TRIT1: variants seen among roughly 807,000 people sequenced by gnomAD.
The protein encoded by TRIT1 is tRNA isopentenyltransferase 1.
TRIT1 carries 43 observed loss-of-function variants against 51.2 expected under a neutral mutation model. That is an observed-to-expected ratio of 0.84 (90% CI 0.66 to 1.08). The LOEUF (loss-of-function observed/expected upper bound fraction) is 1.08. TRIT1 is among the 50% of genes least tolerant of loss of function. The pLI is 0.00. For missense variants in TRIT1, 528 were observed against 578.4 expected, an observed-to-expected ratio of 0.91 and a Z score of 0.89; for synonymous variants, 184 against 203.9, an observed-to-expected ratio of 0.90 and a Z score of 0.83.
intron 1 of TRIT1, among the ~76,000 whole-genome samples, chr1:39,882,012 T>A (rs557525940): frequency 3.9e-5 from 6 of 152,258 alleles, no homozygotes; most frequent in Non-Finnish European, 7.3e-5. Context: ...TTAGCTCTTA[T>A]TATGTGCCAT....
At chr1:39,882,150 A>G (rs1406814797) in intron 1 of TRIT1, among the ~76,000 whole-genome samples, 3 of 152,266 alleles carry the variant, frequency 2.0e-5, no homozygotes, top group East Asian at 3.8e-4. Context: ...CTATAGCTGC[A>G]TATCTTGGAA....
intron 4 of TRIT1, among the ~76,000 whole-genome samples, chr1:39,851,900 T>C (rs966343738): frequency 6.6e-6 from 1 of 151,344 alleles, no homozygotes; most frequent in Non-Finnish European, 1.5e-5. Context: ...TGAGCCATGA[T>C]TGTGCCACTG....
chr1:39,871,839 A>G (rs1275953282), intron 1 of TRIT1, among the ~76,000 whole-genome samples: 1 of 152,162 alleles, frequency 6.6e-6, no homozygotes, highest in African/African-American at 2.4e-5. Flanking sequence ...GACTCTATGC[A>G]TCTGTCAAAA....
chr1:39,851,114 T>C (rs1642538869), intron 4 of TRIT1, among the ~76,000 whole-genome samples: 1 of 152,012 alleles, frequency 6.6e-6, no homozygotes, highest in Non-Finnish European at 1.5e-5. Flanking sequence ...AACGCAAGAG[T>C]GTAGACCCCC....
intron 1 of TRIT1, chr1:39,881,665 C>T (rs1644270852): frequency 6.6e-6 from 1 of 152,118 alleles, no homozygotes. Flanking sequence ...CAACTCAATA[C>T]CTTTGGACCA....
At chr1:39,881,052 T>C (rs551339756) in intron 1 of TRIT1, among the ~76,000 whole-genome samples, 55 of 151,606 alleles carry the variant, frequency 3.6e-4, no homozygotes, top group African/African-American at 1.3e-3. Flanking sequence ...ACTCCGTCTC[T>C]ACTAAAAATA....
rs529158115 is a variant in TRIT1, at chr1:39,860,938, C to T, written c.175-3521G>A. ...ATTAAAAATACAAAAATCAGCCAGG[C>T]GTGGTGGCGCACGCCTGTAATCTCA... On this transcript the variant is annotated intron_variant, in intron 1 of 10. Transcript: ENST00000316891. 2.6e-5 allele frequency among the ~76,000 whole-genome samples: 4 copies of T among 152,132 alleles called. No individual in the cohort carries two copies. The East Asian group carries it at 5.8e-4, about 22-fold the overall frequency.
chr1:39,839,483 T>C lies in TRIT1; in HGVS notation c.*2261A>G, dbSNP rs1652487314. Among the ~76,000 whole-genome samples the C allele has an allele frequency of 1.3e-5, 2 of 152,024 alleles. No homozygotes were observed. The highest frequency in any genetic ancestry group is 6.5e-5 in the Admixed American group (1 of 15,268). On this transcript the variant is annotated 3_prime_UTR_variant, in exon 11 of 11. Transcript: ENST00000316891. ...TTACGACCACCACAAGACAAATTAC[T>C]TTCCTTCCCTACACTCAACAGCGAA...
At chr1:39,858,403 C>T (rs977713573) in intron 1 of TRIT1, among the ~76,000 whole-genome samples, 1 of 152,194 alleles carries the variant, frequency 6.6e-6, no homozygotes, top group Non-Finnish European at 1.5e-5. Flanking sequence ...AAGTCAGTTA[C>T]TAACCTCTCT....
intron 1 of TRIT1, among the ~76,000 whole-genome samples, chr1:39,881,038 C>T (rs1283887860): frequency 6.6e-6 from 1 of 151,444 alleles, no homozygotes. Context: ...GCCAACATGG[C>T]GAAACTCCGT....
intron 1 of TRIT1, among the ~76,000 whole-genome samples, chr1:39,873,180 A>T (rs941912936): frequency 6.6e-6 from 1 of 152,234 alleles, no homozygotes; most frequent in Non-Finnish European, 1.5e-5. Context: ...ATAACACAAA[A>T]AGAGAAAAAT....
At chr1:39,858,514 G>GC (rs1171005750) in intron 1 of TRIT1, among the ~76,000 whole-genome samples, 11 of 152,106 alleles carry the variant, frequency 7.2e-5, no homozygotes, top group Non-Finnish European at 1.6e-4. Context: ...CTTAGTTTTT[G>GC]CCTGGCACAT....
chr1:39,848,445 G>T (rs1460789564), intron 5 of TRIT1, among the ~76,000 whole-genome samples: 1 of 151,752 alleles, frequency 6.6e-6, no homozygotes, highest in African/African-American at 2.4e-5. Context: ...AATTTAATAT[G>T]TCATTATACT....
At chr1:39,881,718 C>T (rs999524548) in intron 1 of TRIT1, 1 of 152,198 alleles carries the variant, frequency 6.6e-6, no homozygotes, top group African/African-American at 2.4e-5. Context: ...TTCTTTCTTA[C>T]CTATCCAAAC....
At chr1:39,856,275 T>C (rs1283006558) in intron 2 of TRIT1, among the ~76,000 whole-genome samples, 1 of 151,888 alleles carries the variant, frequency 6.6e-6, no homozygotes, top group Non-Finnish European at 1.5e-5. Flanking sequence ...TATTGCACTC[T>C]AGCCTGGGTG....
chr1:39,861,576 A>G (rs1643247301), intron 1 of TRIT1, among the ~76,000 whole-genome samples: 1 of 152,180 alleles, frequency 6.6e-6, no homozygotes, highest in Non-Finnish European at 1.5e-5. Context: ...CCACAGATAA[A>G]CAGACAAACA....
intron 1 of TRIT1, chr1:39,875,959 C>G (rs977036939): frequency 2.0e-5 from 3 of 151,978 alleles, no homozygotes; most frequent in Non-Finnish European, 4.4e-5. Context: ...ATATATTATT[C>G]TTGCTATTAT....
chr1:39,862,912 C>A, intron 1 of TRIT1: 2 of 985,428 alleles, frequency 2.0e-6, no homozygotes, highest in Non-Finnish European at 2.4e-6. Flanking sequence ...TCCATTTCCC[C>A]TTCTCCCAAA....
At position 39,853,828 on chromosome 1, in the gene TRIT1, C is replaced by A. The variant is rs1055810156; in HGVS notation, c.414+142G>T. 5.5e-4 allele frequency: 335 copies of A among 610,082 alleles called. 3 individuals are homozygous for A. Among genetic ancestry groups the A allele is most frequent in the Non-Finnish European group, 5.4e-5 (19 of 349,520 alleles). The allele number at this position is 610,082 out of a possible 1,614,324, so 37.8% of individuals were successfully genotyped here. ...GAACACACTTCACACATGGAGGTGG[C>A]ATTTGCTTGAGAATATTAAGTAGGA... is the stretch of plus-strand genomic sequence containing the variant. On this transcript the variant is annotated intron_variant, in intron 3 of 10. Transcript: ENST00000316891.
Sources: allele counts gnomAD v4.1 joint callset (sites outside exome capture counted in the v4.1 genomes callset), GRCh38; gene constraint gnomAD v4.1.1; transcripts MANE v1.5; gene names NCBI Gene and HGNC (gene_info 2026-07-23, HGNC 2026-07-21).